The following DAB1 variants were observed in gnomAD, a reference collection of about 807,000 sequenced individuals.
DAB1 encodes the protein disabled homolog 1.
DAB1 carries 15 observed loss-of-function variants against 64.6 expected under a neutral mutation model. The ratio of observed to expected loss-of-function variants is 0.23; its 90% CI spans 0.16 to 0.36. The LOEUF is 0.36. Among genes scored for constraint, DAB1 ranks in the 10% least tolerant of loss-of-function variants. DAB1 has a pLI of 1.00. For synonymous variants in DAB1, 235 were observed against 251.9 expected, an observed-to-expected ratio of 0.93 and a Z score of 0.64; for missense variants, 596 against 706.7, an observed-to-expected ratio of 0.84 and a Z score of 1.78.
At chr1:58,287,569 AGG>A (rs141990486) in intron 4 of DAB1, among the ~76,000 whole-genome samples, 19,966 of 151,870 alleles carry the variant, frequency 0.13, 1,519 homozygotes, top group Admixed American at 0.19. Flanking sequence ...TTCATGGGAT[AGG>A]GGGGCTTTGC....
At chr1:57,211,033 G>T (rs1271733035) in intron 2 of DAB1, among the ~76,000 whole-genome samples, 2 of 152,168 alleles carry the variant, frequency 1.3e-5, no homozygotes, top group African/African-American at 4.8e-5. Flanking sequence ...ATTTCATTTT[G>T]TTTCTCTTCA....
intron 7 of DAB1, among the ~76,000 whole-genome samples, chr1:57,603,215 C>T (rs181145478): frequency 7.4e-4 from 112 of 152,224 alleles, no homozygotes; most frequent in African/African-American, 2.6e-3. Context: ...TTAGGTGATC[C>T]GCCTGCCTCA....
chr1:57,939,940 C>T (rs965550536), intron 5 of DAB1, among the ~76,000 whole-genome samples: 3 of 152,190 alleles, frequency 2.0e-5, no homozygotes, highest in African/African-American at 7.2e-5. Context: ...GAACAACCAG[C>T]TTCCCAAAAA....
intron 1 of DAB1, among the ~76,000 whole-genome samples, chr1:57,322,962 T>C (rs1675843904): frequency 6.6e-6 from 1 of 152,064 alleles, no homozygotes; most frequent in Admixed American, 6.6e-5. Flanking sequence ...AGCTCAAGGG[T>C]TCTGGAATGT....
At chr1:57,469,927 A>G (rs148717605) in intron 7 of DAB1, among the ~76,000 whole-genome samples, 2 of 152,228 alleles carry the variant, frequency 1.3e-5, no homozygotes, top group South Asian at 4.1e-4. Flanking sequence ...TTTATTTAAC[A>G]TCATTTTCTA....
At chr1:57,027,879 A>G (rs1646842570) in intron 9 of DAB1, among the ~76,000 whole-genome samples, 2 of 152,278 alleles carry the variant, frequency 1.3e-5, no homozygotes, top group Admixed American at 1.3e-4. Flanking sequence ...ATAATTTTTC[A>G]TAAATGTTCA....
At chr1:58,383,908 G>A (rs1397244388) in intron 3 of DAB1, among the ~76,000 whole-genome samples, 1 of 152,184 alleles carries the variant, frequency 6.6e-6, no homozygotes, top group Non-Finnish European at 1.5e-5. Context: ...AAGTGAGATT[G>A]CTAGATCATA....
chr1:57,011,847 C>A (rs1394145974), intron 12 of DAB1, among the ~76,000 whole-genome samples: 5 of 152,190 alleles, frequency 3.3e-5, no homozygotes, highest in African/African-American at 4.8e-5. Flanking sequence ...TTGCTCATGG[C>A]AACTGGTAGA....
chr1:57,203,279 G>T (rs185202627), intron 2 of DAB1, among the ~76,000 whole-genome samples: 3 of 152,184 alleles, frequency 2.0e-5, no homozygotes, highest in Non-Finnish European at 2.9e-5. Context: ...CCTCTCACTT[G>T]TCATTTTTCT....
chr1:57,813,464 A>G (rs1372460780), intron 6 of DAB1, among the ~76,000 whole-genome samples: 1 of 152,222 alleles, frequency 6.6e-6, no homozygotes, highest in Admixed American at 6.5e-5. Flanking sequence ...ATTAAGACAC[A>G]GTCCCTGCCT....
At chr1:58,267,076 CG>C (rs1661186502) in intron 4 of DAB1, among the ~76,000 whole-genome samples, 1 of 151,944 alleles carries the variant, frequency 6.6e-6, no homozygotes, top group Admixed American at 6.6e-5. Flanking sequence ...AAAAATTGGC[CG>C]GGCATCATGG....
At chr1:58,523,675 G>A (rs535931569) in intron 2 of DAB1, among the ~76,000 whole-genome samples, 5 of 152,268 alleles carry the variant, frequency 3.3e-5, no homozygotes, top group African/African-American at 7.2e-5. Flanking sequence ...CAAGGAGGGC[G>A]GATCACGAGG....
intron 3 of DAB1, among the ~76,000 whole-genome samples, chr1:58,433,811 G>C (rs945557101): frequency 1.3e-5 from 2 of 151,998 alleles, no homozygotes; most frequent in African/African-American, 2.4e-5. Context: ...ACCTCTTAAC[G>C]GTCCAACCTC....
intron 4 of DAB1, among the ~76,000 whole-genome samples, chr1:57,132,986 T>C (rs1391863103): frequency 6.6e-6 from 1 of 152,180 alleles, no homozygotes; most frequent in African/African-American, 2.4e-5. Context: ...TGGACCAAGC[T>C]ACCAAGCTCT....
rs191239208 is a variant in DAB1 at position 57,871,053 on chromosome 1, C to T, written n.87+12946G>A. On this transcript the variant is annotated intron_variant and non_coding_transcript_variant, in intron 1 of 1. Coordinates refer to the DAB1 transcript ENST00000477280. The stretch of plus-strand genomic sequence containing the variant: ...ATCATAAAGCACCTAAAAGTGCCAG[C>T]CATGGGCTTTCCTTGTGAACGAGAT... 1.4e-3 allele frequency among the ~76,000 whole-genome samples: 215 copies of T among 152,292 alleles called. 1 individual carries two copies. The highest frequency in any genetic ancestry group is 4.9e-3 in the African/African-American group (204 of 41,580).
At chr1:57,708,425 G>A (rs1000723582) in intron 6 of DAB1, among the ~76,000 whole-genome samples, 1 of 152,222 alleles carries the variant, frequency 6.6e-6, no homozygotes, top group Non-Finnish European at 1.5e-5. Context: ...ATTGGAGGAG[G>A]TGATGCAGGC....
At chr1:57,239,791 TTC>T (rs1200807118) in intron 2 of DAB1, among the ~76,000 whole-genome samples, 1 of 152,194 alleles carries the variant, frequency 6.6e-6, no homozygotes, top group East Asian at 1.9e-4. Flanking sequence ...CCCAGATAAA[TTC>T]TCTCTTTTCT....
chr1:58,180,605 T>C (rs1656741496), intron 4 of DAB1, among the ~76,000 whole-genome samples: 1 of 152,110 alleles, frequency 6.6e-6, no homozygotes, highest in Admixed American at 6.6e-5. Flanking sequence ...TCCTTTATTC[T>C]AATATAGGCA....
intron 5 of DAB1, among the ~76,000 whole-genome samples, chr1:57,936,202 A>C (rs1420585662): frequency 6.6e-6 from 1 of 152,200 alleles, no homozygotes; most frequent in East Asian, 1.9e-4. Context: ...AGTAACTCAC[A>C]TGTTTGCTAA....
Sources: gnomAD v4.1 joint callset for allele counts (sites outside exome capture counted in the v4.1 genomes callset) on GRCh38, gnomAD v4.1.1 for gene constraint, MANE v1.5 for transcripts, NCBI Gene and HGNC (gene_info 2026-07-23, HGNC 2026-07-21) for gene names.